Variants in TIAM2 observed in about 807,000 individuals in gnomAD.
TIAM2 encodes rho guanine nucleotide exchange factor TIAM2.
Under a neutral mutation model 152.9 loss-of-function variants are expected in TIAM2, and 80 were observed. That is an observed-to-expected ratio of 0.52 (90% CI 0.44 to 0.63). The LOEUF (loss-of-function observed/expected upper bound fraction) is 0.63. TIAM2 is among the 30% of genes least tolerant of loss of function. The probability of loss-of-function intolerance (pLI) is 0.00; values close to 1 mark genes in which losing one functional copy is unlikely to be tolerated. For missense variants in TIAM2, 1,965 were observed against 2,120.1 expected (o/e 0.93, Z 1.44); for synonymous variants, 804 against 838.0 (o/e 0.96, Z 0.70).
At chr6:155,029,498 T>TA (rs1776766680) in intron 1 of TIAM2, among the ~76,000 whole-genome samples, 1 of 18,618 alleles carries the variant, frequency 5.4e-5, no homozygotes, top group South Asian at 9.6e-4. Context: ...TAGTATATAT[T>TA]ATATATAATA....
chr6:155,147,880 T>C (rs1779854069), intron 6 of TIAM2, among the ~76,000 whole-genome samples: 1 of 152,174 alleles, frequency 6.6e-6, no homozygotes, highest in African/African-American at 2.4e-5. Flanking sequence ...CGTTTCTGGT[T>C]TTAGTTCCTG....
intron 2 of TIAM2, among the ~76,000 whole-genome samples, chr6:155,098,491 C>T (rs1460987603): frequency 1.3e-5 from 2 of 152,100 alleles, no homozygotes; most frequent in African/African-American, 4.8e-5. Context: ...TCGCTGTTGG[C>T]ATATATAGAT....
rs781096009 is a variant in TIAM2, at chr6:155,213,677, G to T, written c.3168+2370G>T. Among the ~76,000 whole-genome samples the T allele has an allele frequency of 6.6e-6, 1 of 152,202 alleles. No homozygotes were observed. The highest frequency in any genetic ancestry group is 1.5e-5 in the Non-Finnish European group (1 of 68,042). ...CCTTTCCACCCAGGAGCCTGTCTGC[G>T]TCCTGCCACTCTTCCTGGTGCCCAG... is the stretch of plus-strand genomic sequence containing the variant. On this transcript the variant is annotated intron_variant, in intron 15 of 26. Transcript: ENST00000682666. The surrounding 1 kb of genome is among the most constrained non-coding windows in gnomAD (Gnocchi z 4.2).
chr6:155,097,101 A>G (rs768464058), intron 2 of TIAM2, among the ~76,000 whole-genome samples: 7 of 152,186 alleles, frequency 4.6e-5, no homozygotes, highest in African/African-American at 7.2e-5. Flanking sequence ...TCTGATGATT[A>G]GTGATGCTGA....
In TIAM2 at chr6:155,129,814, G is replaced by A. The variant is rs111660228; in HGVS notation, c.591G>A (p.Leu197=). The part of the protein sequence containing the change: ...PAEDCSEPVQ[L]LRYSPTLASE... Reference sequence around the variant, plus strand: ...AGGACTGCAGTGAGCCGGTGCAGCTGCTGAGGTACTCACCTACCTTAGCAT... The same window carrying A: ...AGGACTGCAGTGAGCCGGTGCAGCTACTGAGGTACTCACCTACCTTAGCAT... Residue 197 remains leucine (L), a synonymous_variant, in exon 4 of 27, where the codon CTG becomes CTA. Coordinates refer to ENST00000682666, the MANE Select transcript of TIAM2 (RefSeq NM_012454.4). This position sits in a 1 kb window ranked among gnomAD's most constrained non-coding sequence, Gnocchi z 4.8. 1,416 of 1,613,634 alleles carry A rather than the reference G, an allele frequency of 8.8e-4. 20 individuals are homozygous for A. In the African/African-American group the frequency reaches 0.018, roughly 20 times the overall value.
chr6:155,051,811 A>AT (rs992306042), intron 1 of TIAM2, among the ~76,000 whole-genome samples: 1 of 151,636 alleles, frequency 6.6e-6, no homozygotes, highest in Non-Finnish European at 1.5e-5. Flanking sequence ...CGCCCAGCTA[A>AT]TTTTTTTTAT....
At chr6:155,225,292 C>A (rs1340556263) in intron 15 of TIAM2, among the ~76,000 whole-genome samples, 1 of 152,122 alleles carries the variant, frequency 6.6e-6, no homozygotes, top group East Asian at 1.9e-4. Context: ...TTGGTTCATT[C>A]AGGCATAGAT....
At chr6:155,144,848 C>A in intron 6 of TIAM2, 70 bp downstream of exon 6, 1 of 1,480,662 alleles carries the variant, frequency 6.8e-7, no homozygotes, top group Non-Finnish European at 9.0e-7. Flanking sequence ...ACAGAAAAGG[C>A]AAAACTTGGA....
intron 1 of TIAM2, among the ~76,000 whole-genome samples, chr6:155,010,833 G>C (rs1297484397): frequency 6.6e-6 from 1 of 152,116 alleles, no homozygotes; most frequent in African/African-American, 2.4e-5. Flanking sequence ...TGATCCGCCC[G>C]CCTCGGCCTC....
At chr6:155,020,531 A>G (rs1776455882) in intron 1 of TIAM2, among the ~76,000 whole-genome samples, 1 of 151,962 alleles carries the variant, frequency 6.6e-6, no homozygotes, top group South Asian at 2.1e-4. Context: ...GCGCAATCTC[A>G]GCTCACTGAA....
Position 155,129,722 on chromosome 6 carries a change from G to A in TIAM2, c.499G>A (p.Gly167Arg). Residue 167 changes from glycine (G) to arginine (R), a missense_variant, in exon 4 of 27, where the codon GGG (glycine) becomes AGG (arginine). Physicochemically the swap from Gly to Arg is moderately radical, Grantham distance 125. This residue lies in a region of TIAM2 where 1,025 missense variants were observed against 1,119.4 expected (regional missense o/e 0.92). Coordinates refer to ENST00000682666, the MANE Select transcript of TIAM2 (RefSeq NM_012454.4). The surrounding 1 kb of genome is among the most constrained non-coding windows in gnomAD (Gnocchi z 4.8). ...KSPRVLIKTL[G>R]KLDGCLRVEF... ...CCCCCGAGTGCTCATCAAAACGCTG[G>A]GGAAGCTGGATGGGTGTTTAAGGGT... 1 of 1,614,016 alleles carries A rather than the reference G, an allele frequency of 6.2e-7. No homozygotes were observed. The highest frequency in any genetic ancestry group is 8.5e-7 in the Non-Finnish European group (1 of 1,180,034).
At chr6:155,148,018 G>C in intron 6 of TIAM2, 92 bp from the exon 7 acceptor site, 1 of 1,274,902 alleles carries the variant, frequency 7.8e-7, no homozygotes, top group Non-Finnish European at 1.1e-6. Context: ...AGTACTTCTT[G>C]GGTTTTGTAC....
intron 7 of TIAM2, among the ~76,000 whole-genome samples, chr6:155,157,831 T>C (rs940446190): frequency 2.0e-5 from 3 of 152,234 alleles, no homozygotes; most frequent in African/African-American, 4.8e-5. Flanking sequence ...TTGTGTGGAA[T>C]AGAATCCTTG....
chr6:155,233,365 T>G (rs896512000), intron 15 of TIAM2, among the ~76,000 whole-genome samples: 4 of 152,168 alleles, frequency 2.6e-5, no homozygotes, highest in African/African-American at 9.7e-5. Context: ...AGTATTGCAC[T>G]GAACCCAGGT....
intron 15 of TIAM2, among the ~76,000 whole-genome samples, chr6:155,239,652 G>C (rs1378972553): frequency 9.8e-5 from 15 of 152,326 alleles, no homozygotes; most frequent in Non-Finnish European, 1.6e-4. Context: ...GGTCCCCCCA[G>C]ATGGTCATGT....
intron 18 of TIAM2, among the ~76,000 whole-genome samples, chr6:155,245,304 G>A (rs1292755244): frequency 6.6e-6 from 1 of 152,204 alleles, no homozygotes; most frequent in African/African-American, 2.4e-5. Context: ...ATGCAGAGTC[G>A]GCTTTATTAG....
At chr6:155,157,316 A>G (rs1048676565) in intron 7 of TIAM2, among the ~76,000 whole-genome samples, 1 of 152,066 alleles carries the variant, frequency 6.6e-6, no homozygotes, top group Non-Finnish European at 1.5e-5. Context: ...TCCTTGTTTT[A>G]TCAGAGCCTC....
At chr6:155,169,028 C>T in intron 9 of TIAM2, 1 of 1,037,566 alleles carries the variant, frequency 9.6e-7, no homozygotes, top group South Asian at 1.7e-5. Context: ...CGGAGTCTGG[C>T]TCTGTTGCCC....
chr6:155,207,518 G>C (rs532306940), intron 14 of TIAM2, among the ~76,000 whole-genome samples: 1 of 152,208 alleles, frequency 6.6e-6, no homozygotes, highest in African/African-American at 2.4e-5. Context: ...GAGATTTCCT[G>C]TCTTGGCGGA....
Sources: allele counts gnomAD v4.1 joint callset (sites outside exome capture counted in the v4.1 genomes callset), GRCh38; gene constraint gnomAD v4.1.1; regional missense constraint gnomAD v4.1.1; non-coding constraint Gnocchi (gnomAD v3.1); transcripts MANE v1.5; gene names NCBI Gene and HGNC (gene_info 2026-07-23, HGNC 2026-07-21).